Variants in ENO4 observed in about 807,000 individuals in gnomAD.
ENO4 encodes 2-phospho-D-glycerate hydro-lyase.
Under a neutral mutation model 63.2 loss-of-function variants are expected in ENO4, and 53 were observed. The observed-to-expected ratio is 0.84, with a 90% confidence interval of 0.67 to 1.05. The LOEUF (loss-of-function observed/expected upper bound fraction) is 1.05, where lower values mean the gene tolerates loss of function less well. ENO4 is among the 50% of genes least tolerant of loss of function. The pLI, the probability that ENO4 is intolerant of heterozygous loss-of-function variation, is 0.00. For synonymous variants in ENO4, 266 were observed against 283.8 expected, an observed-to-expected ratio of 0.94 and a Z score of 0.63; for missense variants, 719 against 772.0, an observed-to-expected ratio of 0.93 and a Z score of 0.81.
At chr10:116,889,046 A>G (rs1009384826) in intron 10 of ENO4, among the ~76,000 whole-genome samples, 1 of 152,246 alleles carries the variant, frequency 6.6e-6, no homozygotes, top group African/African-American at 2.4e-5. Context: ...CAAAGGAGGT[A>G]GTATTTCTCT....
At chr10:116,852,130 C>T (rs1025358886) in intron 1 of ENO4, among the ~76,000 whole-genome samples, 1 of 152,090 alleles carries the variant, frequency 6.6e-6, no homozygotes, top group Non-Finnish European at 1.5e-5. Context: ...AAGGGGCTTC[C>T]CCGCTTCACT....
At chr10:116,859,521 C>T (rs764918613) in intron 4 of ENO4, among the ~76,000 whole-genome samples, 8 of 152,172 alleles carry the variant, frequency 5.3e-5, no homozygotes, top group Admixed American at 2.6e-4. Flanking sequence ...GAACAACCAA[C>T]ATTTTCTCAA....
At chr10:116,910,719 G>C (rs1272307657) in intron 10 of ENO4, among the ~76,000 whole-genome samples, 1 of 152,144 alleles carries the variant, frequency 6.6e-6, no homozygotes, top group Non-Finnish European at 1.5e-5. Context: ...CTGTCATAGG[G>C]AGTTCTCCTT....
At chr10:116,850,042 T>G in intron 1 of ENO4, 47 of 498,982 alleles carry the variant, frequency 9.4e-5, no homozygotes, top group Middle Eastern at 3.0e-4. Flanking sequence ...TCTCCGTTTG[T>G]GGGCCGGCCC....
intron 10 of ENO4, among the ~76,000 whole-genome samples, chr10:116,910,885 C>T (rs1373239386): frequency 6.6e-6 from 1 of 152,218 alleles, no homozygotes; most frequent in Admixed American, 6.5e-5. Flanking sequence ...TCACTTAAAA[C>T]TAAAGCAAAC....
intron 7 of ENO4, 64 bp downstream of exon 7, chr10:116,862,916 G>A (rs918042270): frequency 1.8e-5 from 20 of 1,099,862 alleles, no homozygotes; most frequent in Non-Finnish European, 2.4e-5. Context: ...CATGCAACTT[G>A]TAGTTCATTT....
intron 10 of ENO4, among the ~76,000 whole-genome samples, chr10:116,891,319 G>A (rs770687337): frequency 6.6e-6 from 1 of 152,144 alleles, no homozygotes; most frequent in African/African-American, 2.4e-5. Context: ...CTTTCAAATC[G>A]CAACAGCTGG....
intron 10 of ENO4, among the ~76,000 whole-genome samples, chr10:116,898,499 G>GC (rs1461224739): frequency 3.3e-5 from 5 of 152,048 alleles, no homozygotes; most frequent in African/African-American, 1.2e-4. Context: ...TGCCTGGTCA[G>GC]CCCTTTACCT....
chr10:116,849,821 C>T, intron 1 of ENO4, 90 bp downstream of exon 1: 6 of 1,375,366 alleles, frequency 4.4e-6, no homozygotes, highest in Non-Finnish European at 5.9e-6. Flanking sequence ...GCCTGCGCCT[C>T]AGAATCTCGC....
chr10:116,862,652 T>C lies in ENO4; in HGVS notation c.937-147T>C, dbSNP rs1846446332. The C allele has an allele frequency of 4.9e-6, 3 of 610,280 alleles. No individual in the cohort carries two copies. The South Asian group carries it at 6.0e-5, about 12-fold the overall frequency. The allele number at this position is 610,280 out of a possible 1,614,324, so 37.8% of individuals were successfully genotyped here. ...ATGAAAACTGGGGCGAAGATTAACA[T>C]TTAATCTACTGATTTTGTAGAGCAT... On this transcript the variant is annotated intron_variant, in intron 6 of 13. Transcript: ENST00000341276.
At chr10:116,880,056 A>C in intron 13 of ENO4, 70 bp downstream of exon 13, 2 of 1,220,362 alleles carry the variant, frequency 1.6e-6, no homozygotes, top group Non-Finnish European at 1.2e-6. Flanking sequence ...AAGAGGGGGA[A>C]TAGAAGTCCC....
chr10:116,871,065 G>T, intron 8 of ENO4, 60 bp from the exon 9 acceptor site: 1 of 1,431,800 alleles, frequency 7.0e-7, no homozygotes. Context: ...CTTATCACAG[G>T]AAGCGCCAAG....
intron 10 of ENO4, among the ~76,000 whole-genome samples, chr10:116,905,665 C>T (rs188680220): frequency 3.9e-4 from 60 of 152,218 alleles, no homozygotes; most frequent in Non-Finnish European, 2.9e-5. Context: ...TAAATTTGGT[C>T]AATGTGACTC....
intron 12 of ENO4, 24 bp downstream of exon 12, chr10:116,879,382 T>A: frequency 4.0e-6 from 6 of 1,503,358 alleles, no homozygotes; most frequent in Non-Finnish European, 5.4e-6. Flanking sequence ...GCTGGTCAAC[T>A]GCCAAACACT....
intron 10 of ENO4, among the ~76,000 whole-genome samples, chr10:116,907,257 G>A (rs1490123877): frequency 2.0e-5 from 3 of 152,252 alleles, no homozygotes; most frequent in Middle Eastern, 3.4e-3. Flanking sequence ...GGCACATAAT[G>A]CTCTCCAGGG....
At chr10:116,867,821 T>C (rs1846587302) in intron 7 of ENO4, among the ~76,000 whole-genome samples, 2 of 152,196 alleles carry the variant, frequency 1.3e-5, no homozygotes, top group Non-Finnish European at 2.9e-5. Context: ...CCAATAATAA[T>C]GCAAACCAAG....
downstream of ENO4, chr10:116,886,327 G>C: frequency 6.4e-7 from 1 of 1,552,170 alleles, no homozygotes; most frequent in Non-Finnish European, 8.7e-7. Context: ...AAACATGTCA[G>C]GCTTCTGGTT....
At chr10:116,872,711 T>C (rs1346048664) in intron 9 of ENO4, among the ~76,000 whole-genome samples, 1 of 152,316 alleles carries the variant, frequency 6.6e-6, no homozygotes, top group South Asian at 2.1e-4. Flanking sequence ...ATGTTGAGTC[T>C]ACATTTTATG....
chr10:116,860,827 C>T lies in ENO4; in HGVS notation c.668C>T (p.Ala223Val), dbSNP rs757371245. ...RKDTITEKPIAPAEPVEPVLS... is the reference protein window; with the variant it reads ...RKDTITEKPIVPAEPVEPVLS... ...GATACTATTACAGAGAAACCTATTG[C>T]GCCTGCAGAGCCTGTTGAGCCTGTA... Residue 223 changes from alanine to valine, a missense_variant, in exon 5 of 14, where the codon GCG (alanine) becomes GTG (valine). By Grantham distance (64) the Ala-to-Val change is moderately conservative (BLOSUM62 0). Coordinates refer to ENST00000341276, the MANE Select transcript of ENO4 (RefSeq NM_001242699.2). 9.9e-5 allele frequency: 152 copies of T among 1,538,768 alleles called. No homozygotes were observed. The highest frequency in any genetic ancestry group is 4.2e-4 in the Admixed American group (21 of 50,312).
Sources: allele counts gnomAD v4.1 joint callset (sites outside exome capture counted in the v4.1 genomes callset), GRCh38; gene constraint gnomAD v4.1.1; transcripts MANE v1.5; gene names NCBI Gene and HGNC (gene_info 2026-07-23, HGNC 2026-07-21).